Variants in COL5A1 observed in about 807,000 individuals in gnomAD.
COL5A1 encodes collagen type V alpha 1 chain, also known as collagen alpha-1(V) chain.
COL5A1 carries 16 observed loss-of-function variants against 263.7 expected under a neutral mutation model. The ratio of observed to expected loss-of-function variants is 0.06; its 90% CI spans 0.04 to 0.09. COL5A1 has a LOEUF of 0.09. COL5A1 is among the 10% of genes least tolerant of loss of function. COL5A1 has a pLI of 1.00. For missense variants in COL5A1, 2,036 were observed against 2,540.5 expected, an observed-to-expected ratio of 0.80 and a Z score of 4.27; for synonymous variants, 1,012 against 1,004.5, an observed-to-expected ratio of 1.01 and a Z score of -0.14.
At chr9:134,655,047 C>T (rs1364488584) in intron 1 of COL5A1, among the ~76,000 whole-genome samples, 1 of 91,014 alleles carries the variant, frequency 1.1e-5, no homozygotes, top group East Asian at 3.5e-4. Context: ...GTGTGTAGGG[C>T]TGGTGTGTGT....
At chr9:134,740,595 C>G (rs921373466) in intron 11 of COL5A1, among the ~76,000 whole-genome samples, 2 of 152,228 alleles carry the variant, frequency 1.3e-5, no homozygotes, top group South Asian at 4.1e-4. Flanking sequence ...CGTCCTCCTT[C>G]TATCCATCCA....
intron 65 of COL5A1, among the ~76,000 whole-genome samples, chr9:134,839,580 G>A (rs893110031): frequency 3.9e-5 from 6 of 152,164 alleles, no homozygotes; most frequent in Admixed American, 2.6e-4. Flanking sequence ...ACCTGTCGCC[G>A]AGCTCACTTG....
rs1028470866 is a variant in COL5A1 at position 134,774,755 on chromosome 9, C to T, written c.2332-104C>T. ...GAGGCTCTGAGCTGGGATGTTCGCC[C>T]TGCTCTCAGCAGGAGGGGTATGCCG... On this transcript the variant is annotated intron_variant, in intron 26 of 65. Coordinates refer to ENST00000371817, the MANE Select transcript of COL5A1 (RefSeq NM_000093.5). 5 of 1,224,464 alleles carry T rather than the reference C, an allele frequency of 4.1e-6. No homozygotes were observed. The African/African-American group carries it at 6.0e-5, about 15-fold the overall frequency. The allele number at this position is 1,224,464 out of a possible 1,614,324, so 75.8% of individuals were successfully genotyped here. A position where few individuals can be genotyped will look rare whatever the true frequency, so the allele number is the denominator to read the frequency against.
In COL5A1 at chr9:134,724,010, C is replaced by T. The variant is rs534931916; in HGVS notation, c.655-3256C>T. 7.2e-5 allele frequency among the ~76,000 whole-genome samples: 11 copies of T among 152,238 alleles called. No individual in the cohort carries two copies. The South Asian group carries it at 2.3e-3, about 32-fold the overall frequency. ...CTGAGAGCCGTTTCCTGTTGAGCCC[C>T]GAGGTCCTCCCCTCGGCCCCTGCCT... is the stretch of plus-strand genomic sequence containing the variant. On this transcript the variant is annotated intron_variant, in intron 4 of 65. Coordinates refer to ENST00000371817, the MANE Select transcript of COL5A1 (RefSeq NM_000093.5).
intron 2 of COL5A1, among the ~76,000 whole-genome samples, chr9:134,698,675 C>T (rs1393114478): frequency 2.0e-5 from 3 of 152,214 alleles, no homozygotes; most frequent in Non-Finnish European, 4.4e-5. Context: ...CGCTGCTGCC[C>T]GCCTTGCCAC....
chr9:134,788,624 GAT>G (rs1193211513), intron 31 of COL5A1, among the ~76,000 whole-genome samples: 55 of 146,838 alleles, frequency 3.7e-4, no homozygotes, highest in African/African-American at 1.4e-3. Flanking sequence ...TAGAGAGATA[GAT>G]GGATAGACAG....
chr9:134,827,297 C>T (rs1477654484), intron 63 of COL5A1, among the ~76,000 whole-genome samples: 1 of 152,204 alleles, frequency 6.6e-6, no homozygotes, highest in Non-Finnish European at 1.5e-5. Context: ...GGGTTAGGAG[C>T]CCACTGGCTG....
intron 4 of COL5A1, among the ~76,000 whole-genome samples, chr9:134,711,694 C>T (rs540839645): frequency 1.2e-4 from 18 of 152,232 alleles, no homozygotes; most frequent in African/African-American, 2.4e-4. Flanking sequence ...TAAGAGTTCC[C>T]ATACTTAGGT....
intron 44 of COL5A1, chr9:134,810,554 A>G: frequency 1.8e-6 from 1 of 541,168 alleles, no homozygotes; most frequent in Non-Finnish European, 3.3e-6. Context: ...AAATTAAATA[A>G]ATGGAGTGTT....
rs982582918 is a variant in COL5A1, at chr9:134,680,581, C to G, written c.110-10331C>G. Among the ~76,000 whole-genome samples the G allele has an allele frequency of 6.6e-6, 1 of 152,196 alleles. No individual in the cohort carries two copies. The highest frequency in any genetic ancestry group is 1.5e-5 in the Non-Finnish European group (1 of 68,036). Reference sequence around the variant, plus strand: ...CTGCTGCTCTCTGCTGTACCATGTCCGGTGAGGTCCTGAAGTGCAAAAGGC... The same window carrying G: ...CTGCTGCTCTCTGCTGTACCATGTCGGGTGAGGTCCTGAAGTGCAAAAGGC... On this transcript the variant is annotated intron_variant, in intron 1 of 65. Transcript: ENST00000371817. This position sits in a 1 kb window ranked among gnomAD's most constrained non-coding sequence, Gnocchi z 5.9.
rs1830192660 is a variant in COL5A1 at position 134,844,501 on chromosome 9, T to G, written c.*2198T>G. On this transcript the variant is annotated 3_prime_UTR_variant, in exon 66 of 66. Coordinates refer to ENST00000371817, the MANE Select transcript of COL5A1 (RefSeq NM_000093.5). Reference sequence around the variant, plus strand: ...ATGTGTCCCGTTCTCCCCAGACCACTCTAGCCACAGTATATTGCAATAAAA... The same window carrying G: ...ATGTGTCCCGTTCTCCCCAGACCACGCTAGCCACAGTATATTGCAATAAAA... 1 of 152,506 alleles carries G rather than the reference T, an allele frequency of 6.6e-6. No individual in the cohort carries two copies. Among genetic ancestry groups the G allele is most frequent in the Admixed American group, 6.5e-5 (1 of 15,288 alleles). 9.4% of individuals were successfully genotyped at this position (152,506 alleles called of 1,614,324 possible).
rs1229595298 is a variant in COL5A1, at chr9:134,647,627, G to C, written c.109+5331G>C. Among the ~76,000 whole-genome samples the C allele has an allele frequency of 6.6e-6, 1 of 152,216 alleles. No individual in the cohort carries two copies. The highest frequency in any genetic ancestry group is 1.5e-5 in the Non-Finnish European group (1 of 68,032). On this transcript the variant is annotated intron_variant, in intron 1 of 65. Coordinates refer to ENST00000371817, the MANE Select transcript of COL5A1 (RefSeq NM_000093.5). The surrounding 1 kb of genome is among the most constrained non-coding windows in gnomAD (Gnocchi z 5.0). Reference sequence around the variant, plus strand: ...TACCGTGACCCGGCCCCAGCTGGACGGGAGAGGAGGAGATGGCACGTGGAA... The same window carrying C: ...TACCGTGACCCGGCCCCAGCTGGACCGGAGAGGAGGAGATGGCACGTGGAA...
At chr9:134,797,040 T>C in intron 36 of COL5A1, 139 bp downstream of exon 36, 2 of 954,714 alleles carry the variant, frequency 2.1e-6, no homozygotes, top group African/African-American at 1.6e-5. Flanking sequence ...AGGCCCGAGG[T>C]GAAATTCTGG....
intron 27 of COL5A1, among the ~76,000 whole-genome samples, chr9:134,777,797 C>G (rs1837107288): frequency 2.6e-5 from 4 of 152,156 alleles, no homozygotes. Context: ...GAGTTTAGTG[C>G]TCCTGGGAAA....
intron 62 of COL5A1, among the ~76,000 whole-genome samples, chr9:134,825,452 C>T (rs1839226084): frequency 6.6e-6 from 1 of 152,184 alleles, no homozygotes; most frequent in African/African-American, 2.4e-5. Context: ...AGACTCTGAT[C>T]CTACATGCAT....
rs368001209 is a variant in COL5A1 at position 134,812,562 on chromosome 9, A to C, written c.3745-43A>C. The C allele has an allele frequency of 8.1e-6, 13 of 1,610,204 alleles. No individual in the cohort carries two copies. In the South Asian group the frequency reaches 1.1e-4, roughly 14 times the overall value. On this transcript the variant is annotated intron_variant, in intron 47 of 65. Transcript: ENST00000371817. ...CTAGCGGCTCATGTTTTGGGGAAACATTTGCGTTTCCTCTGGGCTCAGTGG... is the reference window on the plus strand; with the variant it reads ...CTAGCGGCTCATGTTTTGGGGAAACCTTTGCGTTTCCTCTGGGCTCAGTGG...
Position 134,785,170 on chromosome 9 carries a change from C to T in COL5A1, c.2592+74C>T, listed in dbSNP as rs571881068. 6.1e-5 allele frequency: 78 copies of T among 1,284,148 alleles called. No homozygotes were observed. The Admixed American group carries it at 8.3e-4, about 14-fold the overall frequency. The allele number at this position is 1,284,148 out of a possible 1,614,324, so 79.5% of individuals were successfully genotyped here. A position where few individuals can be genotyped will look rare whatever the true frequency, so the allele number is the denominator to read the frequency against. Reference sequence around the variant, plus strand: ...GCCCTTCCCCATGGCCTCGGGCTCCCGTTGGCTGTGGCTGCCCTAGGCATG... The same window carrying T: ...GCCCTTCCCCATGGCCTCGGGCTCCTGTTGGCTGTGGCTGCCCTAGGCATG... On this transcript the variant is annotated intron_variant, in intron 30 of 65. Transcript: ENST00000371817.
intron 4 of COL5A1, among the ~76,000 whole-genome samples, chr9:134,712,089 T>C (rs11103475): frequency 0.72 from 68,536 of 94,984 alleles, 24,790 homozygotes; most frequent in Admixed American, 0.78. Context: ...CTTCCTGCCT[T>C]CCTTCTTCCT....
chr9:134,671,476 A>G (rs952363918), intron 1 of COL5A1, among the ~76,000 whole-genome samples: 2 of 152,178 alleles, frequency 1.3e-5, no homozygotes, highest in African/African-American at 4.8e-5. Flanking sequence ...GTCCCGGGGA[A>G]GTAATGTAAA....
Sources: gnomAD v4.1 joint callset for allele counts (sites outside exome capture counted in the v4.1 genomes callset) on GRCh38, gnomAD v4.1.1 for gene constraint, Gnocchi (gnomAD v3.1) non-coding constraint, MANE v1.5 for transcripts, NCBI Gene and HGNC (gene_info 2026-07-23, HGNC 2026-07-21) for gene names.